Variants in WWC1 observed in about 807,000 individuals in gnomAD.
WWC1 encodes the protein protein KIBRA.
Under a neutral mutation model 138.4 loss-of-function variants are expected in WWC1, and 55 were observed. The observed-to-expected ratio is 0.40, with a 90% CI of 0.32 to 0.50. The LOEUF is 0.50. WWC1 is among the 20% of genes least tolerant of loss of function. The pLI is 0.72. For synonymous variants in WWC1, 524 were observed against 564.9 expected (o/e 0.93, Z 1.03); for missense variants, 1,226 against 1,420.4 (o/e 0.86, Z 2.20).
intron 1 of WWC1, among the ~76,000 whole-genome samples, chr5:168,298,959 C>T (rs1769810943): frequency 1.3e-5 from 2 of 152,282 alleles, no homozygotes; most frequent in East Asian, 1.9e-4. Context: ...GTGGCACGCA[C>T]CTGTAATCCC....
At chr5:168,397,475 T>C (rs532732162) in intron 3 of WWC1, among the ~76,000 whole-genome samples, 1 of 152,304 alleles carries the variant, frequency 6.6e-6, no homozygotes, top group East Asian at 1.9e-4. Flanking sequence ...ACTTTTTTTG[T>C]AAACTTGCTT....
chr5:168,292,308 C>G lies in WWC1; in HGVS notation c.119+37C>G. ...GAACCCTCCTCCGTGCCCCCACACCCCCGCCTGGGCCCCCACCTGCCCCTG... is the reference window on the plus strand; with the variant it reads ...GAACCCTCCTCCGTGCCCCCACACCGCCGCCTGGGCCCCCACCTGCCCCTG... On this transcript the variant is annotated intron_variant, in intron 1 of 22. Coordinates refer to ENST00000265293, the MANE Select transcript of WWC1 (RefSeq NM_015238.3). This position sits in a 1 kb window ranked among gnomAD's most constrained non-coding sequence, Gnocchi z 4.4. The G allele has an allele frequency of 6.5e-7, 1 of 1,549,456 alleles. No homozygotes were observed. Among genetic ancestry groups the G allele is most frequent in the South Asian group, 1.2e-5 (1 of 83,346 alleles).
At chr5:168,430,106 T>A in intron 13 of WWC1, 31 bp from the exon 14 acceptor site, 1 of 1,524,270 alleles carries the variant, frequency 6.6e-7, no homozygotes, top group South Asian at 1.1e-5. Flanking sequence ...GTGTTACTAA[T>A]AGGTACTTCA....
At chr5:168,361,132 C>G (rs1040440466) in intron 1 of WWC1, among the ~76,000 whole-genome samples, 1 of 152,168 alleles carries the variant, frequency 6.6e-6, no homozygotes, top group African/African-American at 2.4e-5. Context: ...CTTGTCTGCT[C>G]TATACCTGCA....
At chr5:168,388,854 CAAAT>C (rs778147322) in intron 3 of WWC1, among the ~76,000 whole-genome samples, 1 of 150,648 alleles carries the variant, frequency 6.6e-6, no homozygotes, top group Admixed American at 6.6e-5. Context: ...AAAACAAAAA[CAAAT>C]AAATAATTGT....
At chr5:168,369,895 A>AT (rs35999257) in intron 1 of WWC1, among the ~76,000 whole-genome samples, 22,153 of 89,060 alleles carry the variant, frequency 0.25, 3,435 homozygotes, top group South Asian at 0.52. Context: ...TCATTGTGCA[A>AT]TTTTTTTTTT....
At chr5:168,386,905 C>T (rs1778090311) in intron 3 of WWC1, among the ~76,000 whole-genome samples, 1 of 152,204 alleles carries the variant, frequency 6.6e-6, no homozygotes, top group Non-Finnish European at 1.5e-5. Context: ...GTGCCTCAGC[C>T]TCCCAAAGTG....
In WWC1 at chr5:168,455,535, G is replaced by C. The variant is rs113777429; in HGVS notation, c.2823+15G>C. 6.2e-7 allele frequency: 1 copy of C among 1,610,238 alleles called. No homozygotes were observed. Among genetic ancestry groups the C allele is most frequent in the Admixed American group, 1.7e-5 (1 of 59,520 alleles). On this transcript the variant is annotated intron_variant, in intron 19 of 22. Transcript: ENST00000265293. ...ACGTGTGCCGGGTAAGTGAGCGTGC[G>C]GCCCTCTTCTGCTCCCCTCAGGGTA...
intron 1 of WWC1, among the ~76,000 whole-genome samples, chr5:168,366,302 C>G (rs1170271743): frequency 6.6e-6 from 1 of 152,188 alleles, no homozygotes; most frequent in Non-Finnish European, 1.5e-5. Context: ...GGCATTTGTT[C>G]CGGAGAGAAT....
At chr5:168,347,486 T>C (rs1227491513) in intron 1 of WWC1, among the ~76,000 whole-genome samples, 2 of 152,208 alleles carry the variant, frequency 1.3e-5, no homozygotes, top group Non-Finnish European at 2.9e-5. Flanking sequence ...GATGCTGATA[T>C]TGAAGAAAAG....
intron 9 of WWC1, among the ~76,000 whole-genome samples, chr5:168,419,664 C>T (rs994699709): frequency 1.1e-4 from 17 of 152,172 alleles, no homozygotes; most frequent in Non-Finnish European, 5.9e-5. Context: ...GGGCCACAGG[C>T]GGAGAAAGAC....
Position 168,292,670 on chromosome 5 carries a change from G to GT in WWC1, c.119+400dup, listed in dbSNP as rs1259895951. ...CTTCCCGGGGAGGCTTCCACCCAGC[G>GT]TGGGGGGTGGGCGGATGGGGATGGG... On this transcript the variant is annotated intron_variant, in intron 1 of 22. Transcript: ENST00000265293. This position sits in a 1 kb window ranked among gnomAD's most constrained non-coding sequence, Gnocchi z 4.4. Among the ~76,000 whole-genome samples the GT allele has an allele frequency of 6.6e-6, 1 of 152,110 alleles. No homozygotes were observed. The highest frequency in any genetic ancestry group is 1.9e-4 in the East Asian group (1 of 5,166).
At position 168,444,061 on chromosome 5, in the gene WWC1, A is replaced by G. The variant is rs551778977; in HGVS notation, c.2434-433A>G. Among the ~76,000 whole-genome samples the G allele has an allele frequency of 3.3e-5, 5 of 152,272 alleles. No homozygotes were observed. The South Asian group carries it at 6.2e-4, about 19-fold the overall frequency. On this transcript the variant is annotated intron_variant, in intron 16 of 22. Coordinates refer to ENST00000265293, the MANE Select transcript of WWC1 (RefSeq NM_015238.3). ...TTTCAGGAAGCCCTCCCTGAATGCA[A>G]CTTCCCAAGCTTTATCACTGTTCCG...
intron 13 of WWC1, 42 bp downstream of exon 13, chr5:168,428,829 T>A: frequency 1.2e-6 from 2 of 1,604,426 alleles, no homozygotes; most frequent in Non-Finnish European, 1.7e-6. Flanking sequence ...ACGGTCTGTG[T>A]GGGGTCCCTT....
chr5:168,337,434 CT>C, intron 1 of WWC1, among the ~76,000 whole-genome samples: 1 of 152,172 alleles, frequency 6.6e-6, no homozygotes, highest in East Asian at 1.9e-4. Context: ...GTGGTCACAA[CT>C]GGGAGGGTGC....
chr5:168,379,400 C>G (rs113055272), intron 2 of WWC1, among the ~76,000 whole-genome samples: 1,723 of 151,862 alleles, frequency 0.011, 31 homozygotes, highest in African/African-American at 0.039. Flanking sequence ...TAACACAACT[C>G]TTTTTTTTAT....
At chr5:168,296,189 G>T (rs1769526233) in intron 1 of WWC1, among the ~76,000 whole-genome samples, 1 of 152,194 alleles carries the variant, frequency 6.6e-6, no homozygotes, top group Non-Finnish European at 1.5e-5. Flanking sequence ...CCCAGAGAAG[G>T]TTCCTGCAGC....
intron 15 of WWC1, among the ~76,000 whole-genome samples, chr5:168,437,026 C>A (rs968587716): frequency 1.1e-4 from 17 of 152,120 alleles, no homozygotes; most frequent in African/African-American, 4.1e-4. Flanking sequence ...TTATTAAAAT[C>A]TCTGGGATTA....
At chr5:168,400,191 T>C (rs1779207831) in intron 5 of WWC1, among the ~76,000 whole-genome samples, 2 of 152,288 alleles carry the variant, frequency 1.3e-5, no homozygotes, top group South Asian at 2.1e-4. Flanking sequence ...TTTTTAACTT[T>C]TATTTGAAGT....
Sources: gnomAD v4.1 joint callset for allele counts (sites outside exome capture counted in the v4.1 genomes callset) on GRCh38, gnomAD v4.1.1 for gene constraint, Gnocchi (gnomAD v3.1) non-coding constraint, MANE v1.5 for transcripts, NCBI Gene and HGNC (gene_info 2026-07-23, HGNC 2026-07-21) for gene names.